The following RFX2 variants were observed in gnomAD, a reference collection of about 807,000 sequenced individuals.
RFX2 encodes the protein DNA-binding protein RFX2.
RFX2 carries 20 observed loss-of-function variants against 87.8 expected under a neutral mutation model. The observed-to-expected ratio is 0.23, with a 90% CI of 0.16 to 0.33. RFX2 has a LOEUF of 0.33. RFX2 is among the 10% of genes least tolerant of loss of function. RFX2 has a pLI of 1.00. For synonymous variants in RFX2, 397 were observed against 431.3 expected (o/e 0.92, Z 0.98); for missense variants, 767 against 1,012.3 (o/e 0.76, Z 3.29).
At chr19:6,092,721 G>A (rs1419996658) in intron 1 of RFX2, among the ~76,000 whole-genome samples, 2 of 151,936 alleles carry the variant, frequency 1.3e-5, no homozygotes, top group African/African-American at 2.4e-5. Context: ...TCCAGAGGAG[G>A]GGCCGGGGGA....
In RFX2 at chr19:6,047,431, G is replaced by C; in HGVS notation, c.66C>G (p.Ala22=). The C allele has an allele frequency of 6.2e-7, 1 of 1,601,384 alleles. No individual in the cohort carries two copies. Among genetic ancestry groups the C allele is most frequent in the Non-Finnish European group, 8.5e-7 (1 of 1,174,300 alleles). ...ASVALRPSAA[A]PPVPASPQRV... is the part of the protein sequence containing the mutation. The stretch of plus-strand genomic sequence containing the variant: ...CCTGCGGGGAGGCTGGCACAGGCGG[G>C]GCTGCCGCCGAGGGACGCAGAGCCA... Residue 22 remains alanine (A), a synonymous_variant, in exon 2 of 18, where the codon GCC becomes GCG. Coordinates refer to ENST00000303657, the MANE Select transcript of RFX2 (RefSeq NM_000635.4). This position sits in a 1 kb window ranked among gnomAD's most constrained non-coding sequence, Gnocchi z 4.2.
chr19:6,048,187 A>G (rs935788252), intron 1 of RFX2, among the ~76,000 whole-genome samples: 2 of 152,262 alleles, frequency 1.3e-5, no homozygotes, highest in African/African-American at 4.8e-5. Context: ...AAGAAACAGT[A>G]CATTTTATCC....
In RFX2 at chr19:5,994,966, T is replaced by G; in HGVS notation, c.2057-16A>C. 1 of 1,588,070 alleles carries G rather than the reference T, an allele frequency of 6.3e-7. No individual in the cohort carries two copies. The highest frequency in any genetic ancestry group is 1.1e-5 in the South Asian group (1 of 90,672). On this transcript the variant is annotated splice_polypyrimidine_tract_variant and intron_variant, in intron 17 of 17. Transcript: ENST00000303657. ...CCCATGTCATCTGCGGAGGGAGGGG[T>G]AGGGTCAGTGTCCATCATCAGGAGG...
Position 6,012,874 on chromosome 19 carries a change from C to A in RFX2, c.899+112G>T. ...GCAGAGGGGGATACCTTGGCTTTCC[C>A]AGGATGCTGGAGACTGGGGAGTTAT... On this transcript the variant is annotated intron_variant, in intron 8 of 17. Coordinates refer to ENST00000303657, the MANE Select transcript of RFX2 (RefSeq NM_000635.4). This position sits in a 1 kb window ranked among gnomAD's most constrained non-coding sequence, Gnocchi z 4.6. The A allele has an allele frequency of 8.6e-7, 1 of 1,163,452 alleles. No homozygotes were observed. Among genetic ancestry groups the A allele is most frequent in the Non-Finnish European group, 1.1e-6 (1 of 888,640 alleles). 72.1% of individuals were successfully genotyped at this position (1,163,452 alleles called of 1,614,324 possible).
At chr19:6,065,767 G>A (rs1259792554) in intron 1 of RFX2, among the ~76,000 whole-genome samples, 1 of 152,108 alleles carries the variant, frequency 6.6e-6, no homozygotes, top group Non-Finnish European at 1.5e-5. Flanking sequence ...GCAACAAAGT[G>A]AATCGTCCTT....
At chr19:6,055,752 G>A (rs935498023) in intron 1 of RFX2, among the ~76,000 whole-genome samples, 10 of 152,104 alleles carry the variant, frequency 6.6e-5, no homozygotes, top group African/African-American at 2.2e-4. Context: ...GAGAGTGGAC[G>A]AGAAATTGCA....
At position 6,023,061 on chromosome 19, in the gene RFX2, TTCC is replaced by T. The variant is rs1031189921; in HGVS notation, c.597+3099_597+3101del. 1 of 152,424 alleles carries T rather than the reference TTCC, an allele frequency of 6.6e-6. No individual in the cohort carries two copies. The highest frequency in any genetic ancestry group is 1.5e-5 in the Non-Finnish European group (1 of 68,198). 9.4% of individuals were successfully genotyped at this position (152,424 alleles called of 1,614,324 possible). On this transcript the variant is annotated intron_variant, in intron 6 of 17. Coordinates refer to ENST00000303657, the MANE Select transcript of RFX2 (RefSeq NM_000635.4). The surrounding 1 kb of genome is among the most constrained non-coding windows in gnomAD (Gnocchi z 4.9). ...AATGCTAAGCTCCCTGGAGTGACTT[TTCC>T]TCCTTTTTTACTCCCTATGTTCGGC...
rs1293866824 is a variant in RFX2 at position 6,020,520 on chromosome 19, G to C, written c.598-4249C>G. Among the ~76,000 whole-genome samples, 2 of 152,152 alleles carry C rather than the reference G, an allele frequency of 1.3e-5. No homozygotes were observed. The highest frequency in any genetic ancestry group is 3.2e-3 in the Middle Eastern group (1 of 316). On this transcript the variant is annotated intron_variant, in intron 6 of 17. Transcript: ENST00000303657. This position sits in a 1 kb window ranked among gnomAD's most constrained non-coding sequence, Gnocchi z 5.3. ...CTTGCAGACTCTGTTCAGGGTCTACGCCTCACCAGCAGGCTGGGAGCCACT... is the reference window on the plus strand; with the variant it reads ...CTTGCAGACTCTGTTCAGGGTCTACCCCTCACCAGCAGGCTGGGAGCCACT...
rs1319059438 is a variant in RFX2, at chr19:6,047,934, G to C, written c.-8-430C>G. ...AAACGACAACGGGAGAAACTCTAAG[G>C]CTGGGTTTCCCCACTGTGGCACCGT... On this transcript the variant is annotated intron_variant, in intron 1 of 17. Transcript: ENST00000303657. This position sits in a 1 kb window ranked among gnomAD's most constrained non-coding sequence, Gnocchi z 4.2. 1.3e-5 allele frequency among the ~76,000 whole-genome samples: 2 copies of C among 152,232 alleles called. No individual in the cohort carries two copies. The highest frequency in any genetic ancestry group is 2.4e-5 in the African/African-American group (1 of 41,460).
chr19:6,079,884 CAAAAA>C (rs1160044956), intron 1 of RFX2, among the ~76,000 whole-genome samples: 2 of 76,616 alleles, frequency 2.6e-5, no homozygotes, highest in Admixed American at 1.6e-4. Flanking sequence ...GACTCTGTCT[CAAAAA>C]AAAAAAAAAA....
intron 1 of RFX2, among the ~76,000 whole-genome samples, chr19:6,082,898 T>A (rs2087805726): frequency 6.6e-6 from 1 of 152,202 alleles, no homozygotes; most frequent in South Asian, 2.1e-4. Flanking sequence ...GCAGTGCTGA[T>A]CCTGTCTTTA....
In RFX2 at chr19:6,022,277, C is replaced by T. The variant is rs990872778; in HGVS notation, c.597+3886G>A. Reference sequence around the variant, plus strand: ...GGAGCTGCCGGCTCTAGCAACCCCACTGTGGCCTGCAGGACAGCACGGCCA... The same window carrying T: ...GGAGCTGCCGGCTCTAGCAACCCCATTGTGGCCTGCAGGACAGCACGGCCA... On this transcript the variant is annotated intron_variant, in intron 6 of 17. Transcript: ENST00000303657. The surrounding 1 kb of genome is among the most constrained non-coding windows in gnomAD (Gnocchi z 6.2). Among the ~76,000 whole-genome samples, 1 of 152,236 alleles carries T rather than the reference C, an allele frequency of 6.6e-6. No individual in the cohort carries two copies. The highest frequency in any genetic ancestry group is 1.5e-5 in the Non-Finnish European group (1 of 68,040).
At chr19:6,086,080 A>G (rs1202192123) in intron 1 of RFX2, among the ~76,000 whole-genome samples, 2 of 140,208 alleles carry the variant, frequency 1.4e-5, no homozygotes, top group Non-Finnish European at 3.1e-5. Flanking sequence ...TGATAGAACA[A>G]GATCCTGTCT....
rs2086439676 is a variant in RFX2 at position 5,997,999 on chromosome 19, C to T, written c.1860-786G>A. Among the ~76,000 whole-genome samples, 3 of 152,012 alleles carry T rather than the reference C, an allele frequency of 2.0e-5. No homozygotes were observed. In the South Asian group the frequency reaches 6.2e-4, roughly 32 times the overall value. On this transcript the variant is annotated intron_variant, in intron 15 of 17. Transcript: ENST00000303657. The surrounding 1 kb of genome is among the most constrained non-coding windows in gnomAD (Gnocchi z 4.2). ...CTTTCTGGGAGAGGCGGCCCCTGAC[C>T]TAAAGGATCAGTATAAGACCAAAGG...
Position 5,998,829 on chromosome 19 carries a change from G to C in RFX2, c.1860-1616C>G, listed in dbSNP as rs2086453142. ...AGGAGCATCGGCCGACCACCACCAA[G>C]GGAGGCCCAGCCAGAGCTTGGGGAT... On this transcript the variant is annotated intron_variant, in intron 15 of 17. Transcript: ENST00000303657. This position sits in a 1 kb window ranked among gnomAD's most constrained non-coding sequence, Gnocchi z 4.2. Among the ~76,000 whole-genome samples, 2 of 152,234 alleles carry C rather than the reference G, an allele frequency of 1.3e-5. No individual in the cohort carries two copies.
At chr19:6,088,280 C>T (rs535264173) in intron 1 of RFX2, among the ~76,000 whole-genome samples, 33 of 135,310 alleles carry the variant, frequency 2.4e-4, no homozygotes, top group Non-Finnish European at 2.4e-4. Context: ...ACAGCAGTGG[C>T]GTGATCTCGG....
Position 6,023,126 on chromosome 19 carries a change from G to C in RFX2, c.597+3037C>G, listed in dbSNP as rs1351014726. On this transcript the variant is annotated intron_variant, in intron 6 of 17. Transcript: ENST00000303657. The surrounding 1 kb of genome is among the most constrained non-coding windows in gnomAD (Gnocchi z 4.9). ...CAGAACCCTGCACACGGTAGACGGTGGTCTGACGTCACCAGCTGGCAGCAA... is the reference window on the plus strand; with the variant it reads ...CAGAACCCTGCACACGGTAGACGGTCGTCTGACGTCACCAGCTGGCAGCAA... 2 of 152,560 alleles carry C rather than the reference G, an allele frequency of 1.3e-5. No homozygotes were observed. Among genetic ancestry groups the C allele is most frequent in the Non-Finnish European group, 2.9e-5 (2 of 68,308 alleles). The allele number at this position is 152,560 out of a possible 1,614,324, so 9.5% of individuals were successfully genotyped here.
At chr19:6,092,637 C>T (rs971181427) in intron 1 of RFX2, among the ~76,000 whole-genome samples, 2 of 149,632 alleles carry the variant, frequency 1.3e-5, no homozygotes, top group African/African-American at 2.5e-5. Flanking sequence ...GCGCAGCTCA[C>T]GGTGACAGAA....
chr19:5,994,764 G>A lies in RFX2; in HGVS notation c.*71C>T, dbSNP rs1028539711. ...TAAGAGGCACTAATTTGGTGGAGCC[G>A]GTGAAATCCAGGTTCCCAGAGTGAC... On this transcript the variant is annotated 3_prime_UTR_variant, in exon 18 of 18. Coordinates refer to ENST00000303657, the MANE Select transcript of RFX2 (RefSeq NM_000635.4). 2.1e-5 allele frequency: 21 copies of A among 993,272 alleles called. No homozygotes were observed. The highest frequency in any genetic ancestry group is 1.1e-4 in the African/African-American group (7 of 63,012). 61.5% of individuals were successfully genotyped at this position (993,272 alleles called of 1,614,324 possible).
Sources: gnomAD v4.1 joint callset for allele counts (sites outside exome capture counted in the v4.1 genomes callset) on GRCh38, gnomAD v4.1.1 for gene constraint, Gnocchi (gnomAD v3.1) non-coding constraint, MANE v1.5 for transcripts, NCBI Gene and HGNC (gene_info 2026-07-23, HGNC 2026-07-21) for gene names.